Variants in ATP11A observed in about 807,000 individuals in gnomAD.
ATP11A encodes the protein phospholipid-transporting ATPase IH.
In ATP11A, 81 loss-of-function variants were observed where a neutral mutation model predicts 154.4. The ratio of observed to expected loss-of-function variants is 0.52; its 90% confidence interval spans 0.44 to 0.63. ATP11A has a LOEUF of 0.63. Ranked by LOEUF, ATP11A falls within the 30% of genes least tolerant of loss-of-function variation. The probability of loss-of-function intolerance (pLI) is 0.00; values close to 1 mark genes in which losing one functional copy is unlikely to be tolerated. For synonymous variants in ATP11A, 623 were observed against 585.9 expected (o/e 1.06, Z -0.91); for missense variants, 1,316 against 1,474.3 (o/e 0.89, Z 1.76).
At position 112,856,070 on chromosome 13, in the gene ATP11A, C is replaced by T. The variant is rs1461741114; in HGVS notation, c.2403C>T (p.Pro801=). ...CSAVLCCRMA[P]LQKAQIVKLI... ...CGGTGCTCTGCTGCCGCATGGCGCC[C>T]TTGCAGAAGGCTCAGGTGCTGCCCG... Residue 801 remains proline (P), a synonymous_variant, in exon 20 of 30, where the codon CCC becomes CCT. Coordinates refer to ENST00000375645, the MANE Select transcript of ATP11A (RefSeq NM_015205.3). The T allele has an allele frequency of 1.2e-6, 2 of 1,612,916 alleles. No individual in the cohort carries two copies. The highest frequency in any genetic ancestry group is 8.5e-7 in the Non-Finnish European group (1 of 1,179,634).
intron 28 of ATP11A, among the ~76,000 whole-genome samples, 187 bp from the exon 29 acceptor site, chr13:112,878,030 G>A (rs185835779): frequency 7.4e-4 from 113 of 152,326 alleles, no homozygotes; most frequent in Middle Eastern, 6.8e-3. Context: ...GGTCACGGTG[G>A]GGGGCACCAG....
intron 1 of ATP11A, among the ~76,000 whole-genome samples, chr13:112,742,485 G>A (rs770597154): frequency 3.7e-4 from 56 of 152,206 alleles, no homozygotes; most frequent in Admixed American, 2.9e-3. Flanking sequence ...GTCTGATTTC[G>A]TAGTCTGGAT....
At position 112,806,215 on chromosome 13, in the gene ATP11A, G is replaced by A. The variant is rs1243297387; in HGVS notation, c.255G>A (p.Leu85=). Residue 85 remains leucine, a splice_region_variant and synonymous_variant, in exon 4 of 30, where the codon TTG becomes TTA. Coordinates refer to ENST00000375645, the MANE Select transcript of ATP11A (RefSeq NM_015205.3). ...TTTACAATTCTCTCTTTCTGCAGTT[G>A]ATTATTGATACACCCACAAGTCCAG... ...FYFLIIFLVQ[L]IIDTPTSPVT... 1 of 1,610,572 alleles carries A rather than the reference G, an allele frequency of 6.2e-7. No individual in the cohort carries two copies. The highest frequency in any genetic ancestry group is 8.5e-7 in the Non-Finnish European group (1 of 1,178,108).
intron 1 of ATP11A, among the ~76,000 whole-genome samples, chr13:112,756,548 A>G (rs2076838364): frequency 6.6e-6 from 1 of 152,174 alleles, no homozygotes; most frequent in African/African-American, 2.4e-5. Flanking sequence ...CCCAGGGTCT[A>G]GCGGATGGCG....
At chr13:112,750,668 T>C (rs2076669852) in intron 1 of ATP11A, among the ~76,000 whole-genome samples, 1 of 152,284 alleles carries the variant, frequency 6.6e-6, no homozygotes, top group South Asian at 2.1e-4. Flanking sequence ...TCTCGTGAAT[T>C]TCTCAGTCTT....
intron 25 of ATP11A, among the ~76,000 whole-genome samples, chr13:112,871,336 C>A (rs951630169): frequency 1.3e-5 from 2 of 152,154 alleles, no homozygotes; most frequent in African/African-American, 4.8e-5. Flanking sequence ...AGGAGGTTTG[C>A]GTGTACCCGA....
chr13:112,821,742 T>A (rs2078802370), intron 8 of ATP11A, among the ~76,000 whole-genome samples: 1 of 152,246 alleles, frequency 6.6e-6, no homozygotes, highest in African/African-American at 2.4e-5. Flanking sequence ...AGAGTGACGT[T>A]TCTTCTTCCT....
chr13:112,789,503 A>G lies in ATP11A; in HGVS notation c.162+4246A>G, dbSNP rs556297185. Among the ~76,000 whole-genome samples the G allele has an allele frequency of 2.8e-3, 404 of 146,446 alleles. 5 individuals carry two copies. The highest frequency in any genetic ancestry group is 0.01 in the African/African-American group (390 of 38,570). On this transcript the variant is annotated intron_variant, in intron 2 of 29. Coordinates refer to ENST00000375645, the MANE Select transcript of ATP11A (RefSeq NM_015205.3). ...TTCACACCAGTGTCCTGATGTGTAG[A>G]CCCTTGCGGAGACCTACTTAATTCA...
rs1017951369 is a variant in ATP11A, at chr13:112,884,575, C to T, written c.*2709C>T. ...CGTTGCAGGGTCTTCATGCAATTTT[C>T]CACCTCGCAGTAGTTAGTATTTACT... On this transcript the variant is annotated 3_prime_UTR_variant, in exon 30 of 30. Transcript: ENST00000375645. 2.0e-5 allele frequency: 3 copies of T among 152,246 alleles called. No homozygotes were observed. The highest frequency in any genetic ancestry group is 7.2e-5 in the African/African-American group (3 of 41,450). The allele number at this position is 152,246 out of a possible 1,614,324, so 9.4% of individuals were successfully genotyped here. A position where few individuals can be genotyped will look rare whatever the true frequency, so the allele number is the denominator to read the frequency against.
At chr13:112,745,019 A>C (rs1891970178) in intron 1 of ATP11A, among the ~76,000 whole-genome samples, 1 of 152,256 alleles carries the variant, frequency 6.6e-6, no homozygotes, top group South Asian at 2.1e-4. Flanking sequence ...GGCACTGGAT[A>C]GCTAAGACTT....
intron 1 of ATP11A, among the ~76,000 whole-genome samples, chr13:112,770,742 C>G (rs1242494674): frequency 2.6e-5 from 4 of 152,238 alleles, no homozygotes; most frequent in Admixed American, 6.5e-5. Context: ...ACGGGGGAGG[C>G]ACAGGCTCCA....
intron 12 of ATP11A, among the ~76,000 whole-genome samples, chr13:112,830,988 T>C (rs1228441752): frequency 6.6e-6 from 1 of 152,168 alleles, no homozygotes; most frequent in Non-Finnish European, 1.5e-5. Flanking sequence ...ATTGTTGTTG[T>C]TAAGATTCGG....
intron 29 of ATP11A, chr13:112,880,692 T>C: frequency 8.0e-7 from 1 of 1,254,236 alleles, no homozygotes; most frequent in Non-Finnish European, 1.0e-6. Context: ...GCTGTGACTG[T>C]CAGACCCGTT....
In ATP11A at chr13:112,881,839, C is replaced by T. The variant is rs146660189; in HGVS notation, c.*10-37C>T. On this transcript the variant is annotated intron_variant, in intron 29 of 29. Coordinates refer to ENST00000375645, the MANE Select transcript of ATP11A (RefSeq NM_015205.3). ...AGAATGGGTGCGCACAGCCTCGGGA[C>T]CGCGACTCAGAATTCACCCCTCTTG... The T allele has an allele frequency of 7.3e-6, 10 of 1,367,550 alleles. No individual in the cohort carries two copies. In the African/African-American group the frequency reaches 7.4e-5, roughly 10 times the overall value. 84.7% of individuals were successfully genotyped at this position (1,367,550 alleles called of 1,614,324 possible). A position where few individuals can be genotyped will look rare whatever the true frequency, so the allele number is the denominator to read the frequency against.
intron 29 of ATP11A, chr13:112,880,519 C>G: frequency 1.5e-6 from 2 of 1,290,768 alleles, no homozygotes; most frequent in Non-Finnish European, 2.0e-6. Flanking sequence ...TGGCCCACGT[C>G]GCTCAGTATC....
chr13:112,858,689 G>A lies in ATP11A; in HGVS notation c.2667+399G>A, dbSNP rs576101466. ...CCTGCCCCTCAGTCACTCTGTAGCT[G>A]TCTTGGTGATGAGGTTGACAGATCA... On this transcript the variant is annotated intron_variant, in intron 22 of 29. Coordinates refer to ENST00000375645, the MANE Select transcript of ATP11A (RefSeq NM_015205.3). 8.6e-4 allele frequency: 147 copies of A among 170,258 alleles called. 5 individuals are homozygous for A. The South Asian group carries it at 0.022, about 25-fold the overall frequency. The allele number at this position is 170,258 out of a possible 1,614,324, so 10.5% of individuals were successfully genotyped here.
At position 112,728,667 on chromosome 13, in the gene ATP11A, G is replaced by C. The variant is rs75088476; in HGVS notation, c.39+38212G>C. Among the ~76,000 whole-genome samples the C allele has an allele frequency of 5.6e-3, 854 of 151,398 alleles. 5 individuals carry two copies. Among genetic ancestry groups the C allele is most frequent in the Middle Eastern group, 0.014 (4 of 292 alleles). ...TGTACCGCTTTGTCAGTATCCACGC[G>C]TGGAGGGGCCGTGAGACTGCGGCCC... On this transcript the variant is annotated intron_variant, in intron 1 of 29. Coordinates refer to ENST00000375645, the MANE Select transcript of ATP11A (RefSeq NM_015205.3).
intron 1 of ATP11A, among the ~76,000 whole-genome samples, chr13:112,718,501 C>T (rs539695950): frequency 1.4e-4 from 21 of 152,296 alleles, no homozygotes; most frequent in Admixed American, 2.0e-4. Context: ...CAGCCGCCTC[C>T]GCTGGGGGTC....
chr13:112,844,498 A>C (rs1008823835), intron 17 of ATP11A, among the ~76,000 whole-genome samples: 2 of 151,558 alleles, frequency 1.3e-5, no homozygotes. Context: ...ATCCCTGCCA[A>C]CTCCCACTCG....
Sources: gnomAD v4.1 joint callset for allele counts (sites outside exome capture counted in the v4.1 genomes callset) on GRCh38, gnomAD v4.1.1 for gene constraint, MANE v1.5 for transcripts, NCBI Gene and HGNC (gene_info 2026-07-23, HGNC 2026-07-21) for gene names.